The following AGBL1 variants were observed in gnomAD, a reference collection of about 807,000 sequenced individuals.
The protein encoded by AGBL1 is cytosolic carboxypeptidase 4.
A neutral mutation model predicts 118.9 loss-of-function variants in AGBL1; 130 were observed. That is an observed-to-expected ratio of 1.09 (90% CI 0.95 to 1.26). The LOEUF is 1.26. Among genes scored for constraint, AGBL1 ranks in the 50% most tolerant of loss-of-function variants. The pLI is 0.00. For synonymous variants in AGBL1, 555 were observed against 478.9 expected, an observed-to-expected ratio of 1.16 and a Z score of -2.08; for missense variants, 1,584 against 1,298.1, an observed-to-expected ratio of 1.22 and a Z score of -3.38.
At chr15:86,674,981 A>G (rs1174331879) in intron 22 of AGBL1, among the ~76,000 whole-genome samples, 1 of 152,150 alleles carries the variant, frequency 6.6e-6, no homozygotes, top group East Asian at 1.9e-4. Context: ...AGAATCGTGG[A>G]GATTATTAAT....
chr15:86,959,047 A>G (rs923241898), intron 23 of AGBL1, among the ~76,000 whole-genome samples: 2 of 152,128 alleles, frequency 1.3e-5, no homozygotes, highest in South Asian at 4.1e-4. Flanking sequence ...TCCTGAGAGA[A>G]AATATTCCCT....
chr15:86,619,508 T>G (rs150907744), intron 21 of AGBL1, among the ~76,000 whole-genome samples: 3 of 152,360 alleles, frequency 2.0e-5, no homozygotes, highest in African/African-American at 4.8e-5. Flanking sequence ...TTGGGTGACC[T>G]TTTTAGTTAA....
intron 23 of AGBL1, among the ~76,000 whole-genome samples, chr15:86,986,438 CAGAT>C (rs2081283031): frequency 6.6e-6 from 1 of 152,154 alleles, no homozygotes; most frequent in Non-Finnish European, 1.5e-5. Flanking sequence ...GTTTTGAAAT[CAGAT>C]AGTCTTTCAA....
Position 86,257,964 on chromosome 15 carries a change from A to T in AGBL1, c.902A>T (p.Glu301Val), listed in dbSNP as rs1468343772. ...TTEPPHDLPE[E>V]DFEDDGDDEV... ...ATTTCACCTCTTTTTCCCCATCCAGAGGATTTTGAAGATGATGGCGATGAT... is the reference window on the plus strand; with the variant it reads ...ATTTCACCTCTTTTTCCCCATCCAGTGGATTTTGAAGATGATGGCGATGAT... The change falls in exon 9 of 23, where the codon GAG becomes GTG. Residue 301 changes from glutamate to valine, a missense_variant and splice_region_variant. Glu to Val is a moderately radical substitution (Grantham distance 121). Transcript: ENST00000614907. The T allele has an allele frequency of 6.2e-7, 1 of 1,613,228 alleles. No homozygotes were observed. Among genetic ancestry groups the T allele is most frequent in the Non-Finnish European group, 8.5e-7 (1 of 1,179,676 alleles).
At chr15:86,257,340 C>T (rs757084148) in intron 8 of AGBL1, among the ~76,000 whole-genome samples, 20 of 152,152 alleles carry the variant, frequency 1.3e-4, no homozygotes, top group Non-Finnish European at 2.4e-4. Flanking sequence ...ATCTCTGCAG[C>T]ATACTGACTG....
At chr15:86,251,975 G>C (rs183891469) in intron 7 of AGBL1, among the ~76,000 whole-genome samples, 1 of 152,124 alleles carries the variant, frequency 6.6e-6, no homozygotes, top group African/African-American at 2.4e-5. Context: ...GGGCCTGAAA[G>C]GTTGCTAAAA....
chr15:86,790,368 G>A (rs549569842), intron 22 of AGBL1, among the ~76,000 whole-genome samples: 31 of 146,158 alleles, frequency 2.1e-4, no homozygotes, highest in African/African-American at 5.5e-4. Flanking sequence ...ACACACACAC[G>A]CATGCACGCA....
intron 23 of AGBL1, chr15:86,987,916 AT>A (rs757965481): frequency 3.9e-6 from 6 of 1,538,944 alleles, no homozygotes; most frequent in Non-Finnish European, 5.2e-6. Flanking sequence ...TTTAAAATCC[AT>A]CTATAATAAT....
Position 86,555,438 on chromosome 15 carries a change from G to A in AGBL1, c.2994+901G>A, listed in dbSNP as rs374025205. 6.6e-5 allele frequency among the ~76,000 whole-genome samples: 10 copies of A among 152,252 alleles called. No homozygotes were observed. In the East Asian group the frequency reaches 7.7e-4, roughly 12 times the overall value. On this transcript the variant is annotated intron_variant, in intron 21 of 22. Transcript: ENST00000614907. Reference sequence around the variant, plus strand: ...TGTTAGTTACCAAAGAGAGTACAGGGTGTGACAGGCAATGCACATTATCTA... The same window carrying A: ...TGTTAGTTACCAAAGAGAGTACAGGATGTGACAGGCAATGCACATTATCTA...
chr15:86,153,747 G>C (rs1298107620), intron 3 of AGBL1, among the ~76,000 whole-genome samples: 1 of 152,144 alleles, frequency 6.6e-6, no homozygotes, highest in Non-Finnish European at 1.5e-5. Flanking sequence ...CTCTCATGTA[G>C]AGAGATGGCC....
intron 23 of AGBL1, among the ~76,000 whole-genome samples, chr15:86,967,012 G>A (rs1596685353): frequency 6.6e-5 from 10 of 152,078 alleles, no homozygotes; most frequent in Admixed American, 6.6e-4. Context: ...TTTGATGATG[G>A]CCATTTTAAC....
intron 19 of AGBL1, among the ~76,000 whole-genome samples, chr15:86,524,903 C>A (rs938165939): frequency 1.3e-5 from 2 of 152,024 alleles, no homozygotes; most frequent in African/African-American, 2.4e-5. Context: ...CTAGCCAGAG[C>A]AATCAGGCAA....
chr15:86,368,915 A>T (rs1446489082), intron 17 of AGBL1, among the ~76,000 whole-genome samples: 1 of 152,188 alleles, frequency 6.6e-6, no homozygotes. Context: ...GAACAAGAGG[A>T]TAAAAAGAAA....
intron 18 of AGBL1, among the ~76,000 whole-genome samples, chr15:86,439,012 T>C (rs896505892): frequency 9.2e-5 from 14 of 152,058 alleles, no homozygotes; most frequent in African/African-American, 2.9e-4. Flanking sequence ...GTCTCCTGCC[T>C]ACCAAGCCCT....
chr15:86,698,324 T>C (rs2086297683), intron 22 of AGBL1, among the ~76,000 whole-genome samples: 1 of 151,970 alleles, frequency 6.6e-6, no homozygotes, highest in African/African-American at 2.4e-5. Context: ...AGTTTATTGG[T>C]TCTTCGAAAT....
At chr15:86,575,752 G>A (rs887976858) in intron 21 of AGBL1, among the ~76,000 whole-genome samples, 2 of 151,742 alleles carry the variant, frequency 1.3e-5, no homozygotes, top group Non-Finnish European at 2.9e-5. Context: ...ACCACATCTG[G>A]CTTATTTATT....
chr15:86,276,038 C>T (rs2079245500), intron 15 of AGBL1, among the ~76,000 whole-genome samples: 2 of 152,104 alleles, frequency 1.3e-5, no homozygotes, highest in African/African-American at 4.8e-5. Flanking sequence ...AGTAGGTGTT[C>T]AATGAATGCT....
chr15:86,212,678 C>G (rs1417530391), intron 5 of AGBL1, among the ~76,000 whole-genome samples: 8 of 152,262 alleles, frequency 5.3e-5, no homozygotes, highest in Non-Finnish European at 1.0e-4. Context: ...GGGACAGAGT[C>G]TCACTCTGTT....
At chr15:86,906,211 G>A (rs140911573) in intron 22 of AGBL1, among the ~76,000 whole-genome samples, 7 of 152,368 alleles carry the variant, frequency 4.6e-5, no homozygotes, top group African/African-American at 1.4e-4. Flanking sequence ...TAAGTCCTAA[G>A]TAGGGAGTGA....
Sources: allele counts gnomAD v4.1 joint callset (sites outside exome capture counted in the v4.1 genomes callset), GRCh38; gene constraint gnomAD v4.1.1; transcripts MANE v1.5; gene names NCBI Gene and HGNC (gene_info 2026-07-23, HGNC 2026-07-21).